CDH18: variants seen among roughly 807,000 people sequenced by gnomAD.
CDH18 encodes the protein cadherin 18.
In CDH18, 31 loss-of-function variants were observed where a neutral mutation model predicts 67.9. That is an observed-to-expected ratio of 0.46 (90% CI 0.34 to 0.62). CDH18 has a LOEUF of 0.62. CDH18 is among the 20% of genes least tolerant of loss of function. The probability of loss-of-function intolerance (pLI) is 0.01; values close to 1 mark genes in which losing one functional copy is unlikely to be tolerated. For missense variants in CDH18, 890 were observed against 975.5 expected (o/e 0.91, Z 1.17); for synonymous variants, 362 against 347.2 (o/e 1.04, Z -0.48).
At chr5:20,258,531 T>C (rs1481674203) in intron 1 of CDH18, among the ~76,000 whole-genome samples, 2 of 152,214 alleles carry the variant, frequency 1.3e-5, no homozygotes, top group Non-Finnish European at 2.9e-5. Flanking sequence ...CTGTTTAACC[T>C]TAAATAAGTA....
At chr5:19,879,925 T>TCC (rs1787438431) in intron 2 of CDH18, among the ~76,000 whole-genome samples, 1 of 152,008 alleles carries the variant, frequency 6.6e-6, no homozygotes, top group Non-Finnish European at 1.5e-5. Context: ...ACTTAATGAA[T>TCC]TGTTTGCTTG....
intron 9 of CDH18, among the ~76,000 whole-genome samples, chr5:19,540,127 T>C (rs1198884247): frequency 6.6e-6 from 1 of 152,034 alleles, no homozygotes; most frequent in Non-Finnish European, 1.5e-5. Context: ...AATATAGCCA[T>C]TCCAAATGGG....
chr5:19,837,227 G>C lies in CDH18; in HGVS notation c.228+1532C>G, dbSNP rs186862514. On this transcript the variant is annotated intron_variant, in intron 3 of 12. Transcript: ENST00000382275. ...TGAACAATGAGAACACATGGACACAGAGTGGGAAAAAACACACACCAGGGC... is the reference window on the plus strand; with the variant it reads ...TGAACAATGAGAACACATGGACACACAGTGGGAAAAAACACACACCAGGGC... Among the ~76,000 whole-genome samples, 456 of 152,148 alleles carry C rather than the reference G, an allele frequency of 3.0e-3. 2 individuals carry two copies. The highest frequency in any genetic ancestry group is 8.8e-3 in the African/African-American group (365 of 41,502).
intron 1 of CDH18, among the ~76,000 whole-genome samples, chr5:20,470,515 A>G (rs1036251906): frequency 1.3e-5 from 2 of 151,992 alleles, no homozygotes; most frequent in South Asian, 2.1e-4. Context: ...TCTCTTCCCC[A>G]TACTCACTTT....
intron 1 of CDH18, among the ~76,000 whole-genome samples, chr5:20,466,331 C>A (rs1384738807): frequency 6.6e-6 from 1 of 151,942 alleles, no homozygotes; most frequent in Non-Finnish European, 1.5e-5. Flanking sequence ...TATAGGAATA[C>A]AATGTGCAGT....
chr5:19,612,289 T>A, intron 6 of CDH18, 145 bp downstream of exon 6: 1 of 696,616 alleles, frequency 1.4e-6, no homozygotes, highest in Non-Finnish European at 2.4e-6. Flanking sequence ...ATTTCATGAG[T>A]CTTACATGAA....
At chr5:20,311,614 G>A (rs913208302) in intron 1 of CDH18, among the ~76,000 whole-genome samples, 2 of 152,068 alleles carry the variant, frequency 1.3e-5, no homozygotes, top group African/African-American at 2.4e-5. Flanking sequence ...AGGGACACAG[G>A]AAGGGGAACA....
intron 1 of CDH18, among the ~76,000 whole-genome samples, chr5:20,355,156 A>C (rs1288242344): frequency 6.6e-6 from 1 of 152,160 alleles, no homozygotes; most frequent in Non-Finnish European, 1.5e-5. Flanking sequence ...TGATTCCCCC[A>C]ACAAATGCCC....
intron 1 of CDH18, among the ~76,000 whole-genome samples, chr5:20,311,833 A>G (rs1022247698): frequency 6.6e-6 from 1 of 152,186 alleles, no homozygotes; most frequent in African/African-American, 2.4e-5. Context: ...TTATTTTCAC[A>G]TGGTATCAAA....
At chr5:19,598,419 T>A (rs1746513698) in intron 6 of CDH18, among the ~76,000 whole-genome samples, 2 of 152,068 alleles carry the variant, frequency 1.3e-5, no homozygotes, top group South Asian at 2.1e-4. Flanking sequence ...CATCTTTTTT[T>A]AAAAAAGGAA....
chr5:19,490,043 C>A (rs191143648), intron 11 of CDH18, among the ~76,000 whole-genome samples: 7 of 151,786 alleles, frequency 4.6e-5, no homozygotes, highest in Non-Finnish European at 7.4e-5. Flanking sequence ...CGTTATTTAT[C>A]ACAAACCTTT....
At chr5:20,101,479 T>C (rs1746459265) in intron 2 of CDH18, among the ~76,000 whole-genome samples, 1 of 152,136 alleles carries the variant, frequency 6.6e-6, no homozygotes, top group Non-Finnish European at 1.5e-5. Context: ...AACAGCAGAT[T>C]TAGGCATTGG....
At chr5:20,543,735 T>G (rs1561114071) in intron 1 of CDH18, among the ~76,000 whole-genome samples, 1 of 152,162 alleles carries the variant, frequency 6.6e-6, no homozygotes, top group Admixed American at 6.5e-5. Flanking sequence ...TACTCTCTGA[T>G]TACTTTGATC....
intron 1 of CDH18, among the ~76,000 whole-genome samples, chr5:20,571,218 C>T (rs1238834440): frequency 1.3e-5 from 2 of 152,070 alleles, no homozygotes; most frequent in East Asian, 3.9e-4. Flanking sequence ...ATGAATATAT[C>T]CCTTTCATTG....
chr5:19,575,380 T>C (rs987569518), intron 7 of CDH18, among the ~76,000 whole-genome samples: 10 of 152,206 alleles, frequency 6.6e-5, no homozygotes, highest in Non-Finnish European at 1.0e-4. Flanking sequence ...CCAGCAAGTA[T>C]AACATGGGTA....
intron 1 of CDH18, among the ~76,000 whole-genome samples, chr5:20,429,256 A>G (rs1265135019): frequency 6.6e-6 from 1 of 152,110 alleles, no homozygotes; most frequent in Non-Finnish European, 1.5e-5. Context: ...GATTCAACTG[A>G]AGGAGATGGG....
chr5:19,511,637 G>A (rs1745133020), intron 10 of CDH18, among the ~76,000 whole-genome samples: 1 of 152,130 alleles, frequency 6.6e-6, no homozygotes, highest in Non-Finnish European at 1.5e-5. Context: ...CTGCTCTAGG[G>A]ATCTGTGAAA....
chr5:19,608,987 G>T (rs371577421), intron 6 of CDH18, among the ~76,000 whole-genome samples: 2 of 151,788 alleles, frequency 1.3e-5, no homozygotes, highest in Admixed American at 6.6e-5. Context: ...TTCATGTAAG[G>T]TATTGAATTT....
At position 20,465,519 on chromosome 5, in the gene CDH18, T is replaced by TCAATTACATAC. The variant is rs1298590370; in HGVS notation, c.-580+109942_-580+109943insGTATGTAATTG. Among the ~76,000 whole-genome samples the TCAATTACATAC allele has an allele frequency of 6.4e-4, 98 of 152,198 alleles. 1 individual carries two copies. The highest frequency in any genetic ancestry group is 2.4e-3 in the African/African-American group (98 of 41,572). ...TAAAAAGTCAATTACATTATCAAGG[T>TCAATTACATAC]ATATTTAAAATTTGTATGTTAAATA... On this transcript the variant is annotated intron_variant, in intron 1 of 14. Transcript: ENST00000507958.
Sources: allele counts gnomAD v4.1 joint callset (sites outside exome capture counted in the v4.1 genomes callset), GRCh38; gene constraint gnomAD v4.1.1; transcripts MANE v1.5; gene names NCBI Gene and HGNC (gene_info 2026-07-23, HGNC 2026-07-21).